CFAP47: variants seen among roughly 807,000 people sequenced by gnomAD.
CFAP47 encodes cilia- and flagella-associated protein 47.
In CFAP47, 29 loss-of-function variants were observed where a neutral mutation model predicts 148.1. The ratio of observed to expected loss-of-function variants is 0.20; its 90% CI spans 0.15 to 0.27. The LOEUF is 0.27. Ranked by LOEUF, CFAP47 falls within the 10% of genes least tolerant of loss-of-function variation. The pLI is 1.00. For synonymous variants in CFAP47, 664 were observed against 577.3 expected (o/e 1.15, Z -2.15); for missense variants, 1,872 against 1,697.5 (o/e 1.10, Z -1.81).
chrX:35,952,118 G>T (rs1046503490), intron 6 of CFAP47, among the ~76,000 whole-genome samples, 155 bp downstream of exon 6: 1 of 112,224 alleles, frequency 8.9e-6, no homozygotes, highest in African/African-American at 3.2e-5. Flanking sequence ...TTCTAACATG[G>T]TTAGTAATAT....
chrX:36,184,542 T>A lies in CFAP47; in HGVS notation c.6105-4078T>A, dbSNP rs146518625. On this transcript the variant is annotated intron_variant, in intron 40 of 63. Transcript: ENST00000378653. ...TTAGGGGCTTCATCATTAATCTCTATGTCTCAGAAGAGCTTGGTTCAGAAT... is the reference window on the plus strand; with the variant it reads ...TTAGGGGCTTCATCATTAATCTCTAAGTCTCAGAAGAGCTTGGTTCAGAAT... Among the ~76,000 whole-genome samples, 1,055 of 112,031 alleles carry A rather than the reference T, an allele frequency of 9.4e-3. 12 individuals are homozygous for A. Among genetic ancestry groups the A allele is most frequent in the African/African-American group, 0.032 (992 of 30,877 alleles).
intron 29 of CFAP47, among the ~76,000 whole-genome samples, chrX:36,076,329 CT>C (rs1937855145): frequency 1.4e-5 from 1 of 70,769 alleles, no homozygotes; most frequent in Non-Finnish European, 2.6e-5. Context: ...TCCCTCCCCC[CT>C]CCCCCCACCC....
At chrX:36,379,547 A>T (rs1373799562) in intron 63 of CFAP47, 29 bp downstream of exon 63, 1 of 1,058,367 alleles carries the variant, frequency 9.4e-7, no homozygotes, top group Non-Finnish European at 1.3e-6. Flanking sequence ...ATAGCCAAGG[A>T]TGTTTGATGC....
chrX:36,127,104 C>A (rs959460666), intron 33 of CFAP47, among the ~76,000 whole-genome samples: 1 of 111,894 alleles, frequency 8.9e-6, no homozygotes, highest in Non-Finnish European at 1.9e-5. Flanking sequence ...TTAATTAGAT[C>A]CCATTTGTCA....
chrX:36,198,572 C>T (rs1162714518), intron 42 of CFAP47, among the ~76,000 whole-genome samples: 8 of 112,390 alleles, frequency 7.1e-5, no homozygotes, highest in African/African-American at 2.3e-4. Flanking sequence ...AGGTTATCCC[C>T]GTAAGTGACA....
chrX:36,240,277 G>A (rs1410607581), intron 48 of CFAP47, among the ~76,000 whole-genome samples: 5 of 111,475 alleles, frequency 4.5e-5, no homozygotes, highest in African/African-American at 1.6e-4. Context: ...ATAAGCAATT[G>A]TTAGAAGCTG....
intron 61 of CFAP47, among the ~76,000 whole-genome samples, chrX:36,363,474 T>A (rs1175042309): frequency 9.0e-6 from 1 of 111,609 alleles, no homozygotes; most frequent in East Asian, 2.8e-4. Context: ...AGTATTATAA[T>A]CATATGGAAC....
intron 2 of CFAP47, among the ~76,000 whole-genome samples, chrX:35,937,332 C>T (rs1351709333): frequency 1.9e-5 from 2 of 108,066 alleles, no homozygotes; most frequent in Non-Finnish European, 1.9e-5. Flanking sequence ...CCTGTTTGAT[C>T]CAGAAAAAGA....
chrX:36,142,301 G>A (rs1159838475), intron 35 of CFAP47, among the ~76,000 whole-genome samples: 5 of 111,021 alleles, frequency 4.5e-5, no homozygotes, highest in Non-Finnish European at 9.4e-5. Flanking sequence ...ATGGCACTGT[G>A]TCATAGCAGG....
At chrX:36,083,628 T>C (rs915717639) in intron 29 of CFAP47, among the ~76,000 whole-genome samples, 1 of 111,744 alleles carries the variant, frequency 8.9e-6, no homozygotes, top group African/African-American at 3.2e-5. Context: ...TGAGATATTC[T>C]ACAATTCTTA....
chrX:35,975,638 T>C, intron 14 of CFAP47, 34 bp from the exon 15 acceptor site: 1 of 1,193,751 alleles, frequency 8.4e-7, no homozygotes, highest in Non-Finnish European at 1.1e-6. Context: ...ATAACTATTA[T>C]CAGTTAAATT....
At position 36,139,606 on chromosome X, in the gene CFAP47, C is replaced by A. The variant is rs1485478484; in HGVS notation, c.5535+1142C>A. Among the ~76,000 whole-genome samples the A allele has an allele frequency of 5.4e-5, 6 of 111,351 alleles. No individual in the cohort carries two copies. In the East Asian group the frequency reaches 1.1e-3, roughly 21 times the overall value. ...CAGTAATTACTTTCTCTACTCTTAT[C>A]ATTTTAATTAGGATTTAAACATAAT... On this transcript the variant is annotated intron_variant, in intron 35 of 63. Coordinates refer to ENST00000378653, the MANE Select transcript of CFAP47 (RefSeq NM_001304548.2).
intron 9 of CFAP47, among the ~76,000 whole-genome samples, chrX:35,967,059 G>A (rs1936417964): frequency 9.0e-6 from 1 of 110,642 alleles, no homozygotes; most frequent in African/African-American, 3.3e-5. Context: ...TCTGTGTTAC[G>A]GCCCAAAGAC....
intron 45 of CFAP47, among the ~76,000 whole-genome samples, chrX:36,227,155 GCCTGGAGTCCTTTTTGC>G (rs1555991660): frequency 9.0e-6 from 1 of 111,212 alleles, no homozygotes; most frequent in Non-Finnish European, 1.9e-5. Flanking sequence ...GATAAAATGT[GCCTGGAGTCCTTTTTGC>G]CAAGAAAAAA....
intron 2 of CFAP47, among the ~76,000 whole-genome samples, chrX:35,933,461 C>A (rs1475573705): frequency 1.8e-5 from 2 of 111,908 alleles, no homozygotes; most frequent in African/African-American, 6.5e-5. Flanking sequence ...TTTATCAGTT[C>A]ATCTGTTGAT....
chrX:36,301,297 ATTT>A (rs367828343), intron 53 of CFAP47, 118 bp downstream of exon 53: 1 of 441,402 alleles, frequency 2.3e-6, no homozygotes, highest in African/African-American at 2.6e-5. Flanking sequence ...TTAGTCATTG[ATTT>A]TTTTTCCCCT....
intron 56 of CFAP47, among the ~76,000 whole-genome samples, chrX:36,316,158 A>G (rs1235924470): frequency 8.9e-6 from 1 of 112,087 alleles, no homozygotes; most frequent in Non-Finnish European, 1.9e-5. Flanking sequence ...ACCTAGTTAT[A>G]TATAAAACTG....
At chrX:36,341,753 A>AATG (rs1569321707) in intron 57 of CFAP47, among the ~76,000 whole-genome samples, 1 of 111,032 alleles carries the variant, frequency 9.0e-6, no homozygotes, top group Non-Finnish European at 1.9e-5. Flanking sequence ...TAATAATAAT[A>AATG]ATGTCATTAT....
chrX:35,928,344 T>A (rs1319976191), intron 2 of CFAP47, among the ~76,000 whole-genome samples: 1 of 111,478 alleles, frequency 9.0e-6, no homozygotes, highest in Non-Finnish European at 1.9e-5. Context: ...AAATTTTAGC[T>A]ATTCTGATAG....
Sources: allele counts gnomAD v4.1 joint callset (sites outside exome capture counted in the v4.1 genomes callset), GRCh38; gene constraint gnomAD v4.1.1; transcripts MANE v1.5; gene names NCBI Gene and HGNC (gene_info 2026-07-23, HGNC 2026-07-21).